PTK2B: variants seen among roughly 807,000 people sequenced by gnomAD.
PTK2B encodes the protein protein-tyrosine kinase 2-beta.
Under a neutral mutation model 142.9 loss-of-function variants are expected in PTK2B, and 71 were observed. The observed-to-expected ratio is 0.50, with a 90% confidence interval of 0.41 to 0.61. The LOEUF is 0.61. Ranked by LOEUF, PTK2B falls within the 20% of genes least tolerant of loss-of-function variation. The pLI is 0.00. For synonymous variants in PTK2B, 519 were observed against 503.4 expected (o/e 1.03, Z -0.42); for missense variants, 1,105 against 1,320.4 (o/e 0.84, Z 2.53).
At chr8:27,396,898 G>C (rs944957091) in intron 1 of PTK2B, among the ~76,000 whole-genome samples, 2 of 152,160 alleles carry the variant, frequency 1.3e-5, no homozygotes, top group African/African-American at 4.8e-5. Flanking sequence ...TGGGCAGAGC[G>C]CTGTTCCTCT....
At chr8:27,378,650 T>C (rs1806825029) in intron 1 of PTK2B, among the ~76,000 whole-genome samples, 1 of 138,086 alleles carries the variant, frequency 7.2e-6, no homozygotes, top group Non-Finnish European at 1.6e-5. Flanking sequence ...TGTGTGTGTG[T>C]ACACAAGGCA....
intron 1 of PTK2B, among the ~76,000 whole-genome samples, chr8:27,369,624 C>T (rs531023853): frequency 1.3e-5 from 2 of 151,922 alleles, no homozygotes; most frequent in Non-Finnish European, 2.9e-5. Flanking sequence ...GAGCCGAGAT[C>T]GTGCCACTGT....
intron 1 of PTK2B, among the ~76,000 whole-genome samples, chr8:27,337,491 C>T (rs935384186): frequency 6.6e-4 from 100 of 152,138 alleles, no homozygotes; most frequent in African/African-American, 2.2e-3. Context: ...AAGAAACCCC[C>T]GTACCATAAG....
chr8:27,443,462 A>C (rs746744098), intron 22 of PTK2B, among the ~76,000 whole-genome samples: 2 of 152,190 alleles, frequency 1.3e-5, no homozygotes, highest in Non-Finnish European at 2.9e-5. Context: ...TGGCTTAAAC[A>C]GCAGATGTTT....
At chr8:27,391,943 G>A (rs543187945) in intron 1 of PTK2B, among the ~76,000 whole-genome samples, 1 of 152,320 alleles carries the variant, frequency 6.6e-6, no homozygotes, top group East Asian at 1.9e-4. Flanking sequence ...GGTGCCACAG[G>A]ATGTAGTCTC....
intron 21 of PTK2B, among the ~76,000 whole-genome samples, chr8:27,441,039 G>A (rs532206853): frequency 6.6e-6 from 1 of 152,300 alleles, no homozygotes; most frequent in East Asian, 1.9e-4. Flanking sequence ...TCCTGTGGGA[G>A]ATCTGACTTC....
intron 5 of PTK2B, among the ~76,000 whole-genome samples, chr8:27,428,213 AGCTCAG>A (rs1300728990): frequency 6.6e-6 from 1 of 152,264 alleles, no homozygotes; most frequent in East Asian, 1.9e-4. Context: ...CAGGAGATGG[AGCTCAG>A]GCAATATAGC....
intron 27 of PTK2B, 88 bp from the exon 28 acceptor site, chr8:27,453,023 AGGG>A (rs965659480): frequency 6.9e-7 from 1 of 1,452,774 alleles, no homozygotes; most frequent in African/African-American, 1.4e-5. Flanking sequence ...CTGGTGGTAG[AGGG>A]GAAGGGGCTC....
At chr8:27,310,857 G>T (rs1374179614), upstream of PTK2B, 1 of 1,610,626 alleles carries the variant, frequency 6.2e-7, no homozygotes, top group Non-Finnish European at 8.5e-7. Flanking sequence ...TGGTGTCGGG[G>T]GTCGGCCTGG....
rs1361337187 is a variant in PTK2B at position 27,363,543 on chromosome 8, C to G, written c.-37-34005C>G. Among the ~76,000 whole-genome samples the G allele has an allele frequency of 6.6e-6, 1 of 152,056 alleles. No homozygotes were observed. Among genetic ancestry groups the G allele is most frequent in the African/African-American group, 2.4e-5 (1 of 41,398 alleles). On this transcript the variant is annotated intron_variant, in intron 1 of 30. Coordinates refer to ENST00000346049, the MANE Select transcript of PTK2B (RefSeq NM_173176.3). The surrounding 1 kb of genome is among the most constrained non-coding windows in gnomAD (Gnocchi z 4.3). ...CAGGAAGTGGGCAAGAGGGAGTGCC[C>G]GCATGGTCTGGGATGCAGGGAATGG...
intron 1 of PTK2B, among the ~76,000 whole-genome samples, chr8:27,358,053 A>C (rs574613652): frequency 6.6e-6 from 1 of 152,310 alleles, no homozygotes; most frequent in East Asian, 1.9e-4. Flanking sequence ...TTGCATAAGA[A>C]GGTTTACTTA....
intron 1 of PTK2B, among the ~76,000 whole-genome samples, chr8:27,326,027 G>C (rs1038684250): frequency 6.6e-6 from 1 of 152,106 alleles, no homozygotes; most frequent in African/African-American, 2.4e-5. Flanking sequence ...GCTCAGGTTA[G>C]GGAGCCACGG....
Position 27,454,516 on chromosome 8 carries a change from C to G in PTK2B, c.2734-15C>G. On this transcript the variant is annotated splice_polypyrimidine_tract_variant and intron_variant, in intron 29 of 30. Transcript: ENST00000346049. ...AGCTAGGAGTGGCGGCCATCCTGCC[C>G]CTTTCTCCCCCCAGAATGTGGGGCT... 6.2e-7 allele frequency: 1 copy of G among 1,613,222 alleles called. No homozygotes were observed. The highest frequency in any genetic ancestry group is 8.5e-7 in the Non-Finnish European group (1 of 1,179,260).
At chr8:27,379,987 C>G (rs1345833960) in intron 1 of PTK2B, among the ~76,000 whole-genome samples, 4 of 152,190 alleles carry the variant, frequency 2.6e-5, no homozygotes, top group Non-Finnish European at 5.9e-5. Context: ...GGCAATCTGC[C>G]CGCCTTGGCA....
At chr8:27,378,632 T>C (rs1162849369) in intron 1 of PTK2B, among the ~76,000 whole-genome samples, 2 of 144,040 alleles carry the variant, frequency 1.4e-5, no homozygotes, top group Admixed American at 1.3e-4. Context: ...TGTGTGTGTG[T>C]GTGTGTGTGT....
At chr8:27,417,867 G>C (rs894050138) in intron 2 of PTK2B, among the ~76,000 whole-genome samples, 1 of 152,174 alleles carries the variant, frequency 6.6e-6, no homozygotes, top group Non-Finnish European at 1.5e-5. Context: ...AGTGGTGGGG[G>C]CTCCAGGAGG....
chr8:27,405,035 C>CCTCTCTCTCTCACTCTCTCTCTCTCT, intron 2 of PTK2B, among the ~76,000 whole-genome samples: 1 of 119,640 alleles, frequency 8.4e-6, no homozygotes, highest in Middle Eastern at 4.4e-3. Context: ...TCTTTCTCTT[C>CCTCTCTCTCTCACTCTCTCTCTCTCT]CTCTCTCTCT....
At chr8:27,432,662 A>T (rs965961492) in intron 10 of PTK2B, among the ~76,000 whole-genome samples, 1 of 152,184 alleles carries the variant, frequency 6.6e-6, no homozygotes, top group Non-Finnish European at 1.5e-5. Context: ...CCTAAGTTAT[A>T]CCAAGAGAAC....
rs1808116697 is a variant in PTK2B at position 27,397,383 on chromosome 8, T to A, written c.-37-165T>A. 5.0e-6 allele frequency: 3 copies of A among 603,666 alleles called. No homozygotes were observed. In the South Asian group the frequency reaches 5.9e-5, roughly 12 times the overall value. The allele number at this position is 603,666 out of a possible 1,614,324, so 37.4% of individuals were successfully genotyped here. ...CAACTTGCCCCTTTCTGCTGCATCT[T>A]TCCCAGTCAAGAGAGCCAGGTGCCT... On this transcript the variant is annotated intron_variant, in intron 1 of 30. Transcript: ENST00000346049.
Sources: allele counts gnomAD v4.1 joint callset (sites outside exome capture counted in the v4.1 genomes callset), GRCh38; gene constraint gnomAD v4.1.1; non-coding constraint Gnocchi (gnomAD v3.1); transcripts MANE v1.5; gene names NCBI Gene and HGNC (gene_info 2026-07-23, HGNC 2026-07-21).